The following MAPRE2 variants were observed in gnomAD, a reference collection of about 807,000 sequenced individuals.
MAPRE2 encodes microtubule-associated protein RP/EB family member 2.
A neutral mutation model predicts 43.2 loss-of-function variants in MAPRE2; 13 were observed. That is an observed-to-expected ratio of 0.30 (90% CI 0.20 to 0.48). MAPRE2 has a LOEUF of 0.48. Among genes scored for constraint, MAPRE2 ranks in the 20% least tolerant of loss-of-function variants. The pLI, the probability that MAPRE2 is intolerant of heterozygous loss-of-function variation, is 0.99. For synonymous variants in MAPRE2, 135 were observed against 148.8 expected, an observed-to-expected ratio of 0.91 and a Z score of 0.68; for missense variants, 161 against 400.2, an observed-to-expected ratio of 0.40 and a Z score of 5.10.
chr18:35,057,954 G>C (rs1195223693), intron 1 of MAPRE2, among the ~76,000 whole-genome samples: 1 of 152,164 alleles, frequency 6.6e-6, no homozygotes, highest in African/African-American at 2.4e-5. Flanking sequence ...ATTTCCATTT[G>C]CTACTCATCA....
intron 2 of MAPRE2, among the ~76,000 whole-genome samples, chr18:35,011,268 T>C (rs367692943): frequency 2.4e-4 from 36 of 152,274 alleles, no homozygotes; most frequent in African/African-American, 7.5e-4. Context: ...GCGTCTAATC[T>C]GAGACCCGAA....
chr18:35,070,083 G>T, intron 1 of MAPRE2, 112 bp from the exon 2 acceptor site: 2 of 753,858 alleles, frequency 2.7e-6, no homozygotes, highest in Non-Finnish European at 4.1e-6. Context: ...CTTAGCCAGA[G>T]CAGGACTTTT....
chr18:35,015,482 G>A (rs921005973), intron 2 of MAPRE2, among the ~76,000 whole-genome samples: 1 of 152,098 alleles, frequency 6.6e-6, no homozygotes, highest in Non-Finnish European at 1.5e-5. Context: ...ACTTGTTCAA[G>A]GCATATAGTT....
At chr18:35,077,240 TGC>T (rs142029329) in intron 2 of MAPRE2, among the ~76,000 whole-genome samples, 61,472 of 146,672 alleles carry the variant, frequency 0.42, 12,400 homozygotes, top group Admixed American at 0.47. Context: ...TACGCGCGCG[TGC>T]GCGCGCGCAC....
At chr18:35,044,092 A>G (rs1423254630) in intron 1 of MAPRE2, among the ~76,000 whole-genome samples, 5 of 152,178 alleles carry the variant, frequency 3.3e-5, no homozygotes, top group African/African-American at 1.2e-4. Context: ...ATGTGCCTGG[A>G]AGTTCTGGGT....
chr18:35,117,891 G>T (rs1334063850), intron 4 of MAPRE2, among the ~76,000 whole-genome samples: 1 of 152,094 alleles, frequency 6.6e-6, no homozygotes, highest in Non-Finnish European at 1.5e-5. Flanking sequence ...ATTTAAAAGA[G>T]AATTTTTAAT....
chr18:35,059,405 G>A (rs1215192899), intron 1 of MAPRE2, among the ~76,000 whole-genome samples: 6 of 151,990 alleles, frequency 3.9e-5, no homozygotes, highest in Non-Finnish European at 8.8e-5. Context: ...CATAGCACTA[G>A]GGGCACGTAT....
At chr18:34,992,307 A>G (rs560616742) in intron 1 of MAPRE2, among the ~76,000 whole-genome samples, 37 of 152,366 alleles carry the variant, frequency 2.4e-4, no homozygotes, top group Non-Finnish European at 4.4e-4. Flanking sequence ...GTCTCCAACT[A>G]CCCCTCTTAG....
Position 34,985,318 on chromosome 18 carries a change from A to C in MAPRE2, c.-70+8239A>C, listed in dbSNP as rs1478825291. Among the ~76,000 whole-genome samples the C allele has an allele frequency of 4.5e-3, 201 of 44,392 alleles. 16 individuals are homozygous for C. The highest frequency in any genetic ancestry group is 0.019 in the African/African-American group (192 of 10,370). 29.1% of individuals were successfully genotyped at this position (44,392 alleles called of 152,430 possible). On this transcript the variant is annotated intron_variant, in intron 1 of 7. Coordinates refer to the MAPRE2 transcript ENST00000413393. ...TATTATATATTGTATATATTATATT[A>C]TATATATAATATAATATATAATATA...
intron 2 of MAPRE2, among the ~76,000 whole-genome samples, chr18:35,092,030 A>G (rs636243): frequency 0.38 from 57,825 of 152,126 alleles, 15,512 homozygotes; most frequent in African/African-American, 0.75. Flanking sequence ...AGCAAGAGAG[A>G]GATGTGGGAG....
intron 1 of MAPRE2, chr18:35,005,465 T>C (rs1481012959): frequency 4.8e-6 from 7 of 1,447,936 alleles, no homozygotes; most frequent in Non-Finnish European, 5.6e-6. Context: ...CTTGCACTCT[T>C]TTTTTCTTCC....
At chr18:35,005,483 C>A in intron 1 of MAPRE2, 1 of 1,509,102 alleles carries the variant, frequency 6.6e-7, no homozygotes, top group Non-Finnish European at 8.9e-7. Flanking sequence ...TCCATTTTTA[C>A]TATCCCAGTG....
chr18:35,070,430 T>A, intron 2 of MAPRE2, 108 bp downstream of exon 2: 2 of 951,366 alleles, frequency 2.1e-6, no homozygotes, highest in Non-Finnish European at 3.0e-6. Flanking sequence ...AAGTATATAT[T>A]GCTATTGGCA....
intron 6 of MAPRE2, among the ~76,000 whole-genome samples, chr18:35,138,955 A>G (rs1910506345): frequency 6.6e-6 from 1 of 152,094 alleles, no homozygotes; most frequent in African/African-American, 2.4e-5. Context: ...TGTTCCTCTC[A>G]ACACGACATG....
intron 1 of MAPRE2, chr18:34,984,474 T>A (rs2097017966): frequency 3.6e-5 from 1 of 27,672 alleles, no homozygotes; most frequent in Non-Finnish European, 1.2e-4. Flanking sequence ...ATAATTAACG[T>A]AAGTTTTGAG....
chr18:35,036,509 C>T (rs1198050282), upstream of MAPRE2, among the ~76,000 whole-genome samples: 1 of 152,114 alleles, frequency 6.6e-6, no homozygotes, highest in Non-Finnish European at 1.5e-5. Flanking sequence ...CATCCTTGCC[C>T]CATCTCCTAC....
At chr18:35,108,338 A>G (rs1248177443) in intron 4 of MAPRE2, among the ~76,000 whole-genome samples, 5 of 152,168 alleles carry the variant, frequency 3.3e-5, no homozygotes, top group Non-Finnish European at 4.4e-5. Context: ...TCCATGGTAT[A>G]TATGTACCAC....
chr18:35,041,767 G>T, intron 1 of MAPRE2, 106 bp downstream of exon 1: 1 of 1,569,952 alleles, frequency 6.4e-7, no homozygotes, highest in Non-Finnish European at 8.6e-7. Context: ...CCTGCTGCAG[G>T]CATGCATTTG....
intron 2 of MAPRE2, among the ~76,000 whole-genome samples, chr18:35,090,588 C>T (rs1217729391): frequency 1.3e-5 from 2 of 151,742 alleles, no homozygotes; most frequent in Non-Finnish European, 2.9e-5. Flanking sequence ...AAAAATGAGC[C>T]AGTTGTGGTG....
Sources: allele counts gnomAD v4.1 joint callset (sites outside exome capture counted in the v4.1 genomes callset), GRCh38; gene constraint gnomAD v4.1.1; transcripts MANE v1.5; gene names NCBI Gene and HGNC (gene_info 2026-07-23, HGNC 2026-07-21).